GATAD2A: variants seen among roughly 807,000 people sequenced by gnomAD.
GATAD2A encodes GATA zinc finger domain containing 2A.
In GATAD2A, 12 loss-of-function variants were observed where a neutral mutation model predicts 68.5. That is an observed-to-expected ratio of 0.18 (90% CI 0.11 to 0.28). The LOEUF is 0.28. Ranked by LOEUF, GATAD2A falls within the 10% of genes least tolerant of loss-of-function variation. The probability of loss-of-function intolerance (pLI) is 1.00; values close to 1 mark genes in which losing one functional copy is unlikely to be tolerated. For missense variants in GATAD2A, 755 were observed against 868.5 expected, an observed-to-expected ratio of 0.87 and a Z score of 1.64; for synonymous variants, 410 against 375.3, an observed-to-expected ratio of 1.09 and a Z score of -1.07.
chr19:19,407,077 G>T (rs1168661315), intron 1 of GATAD2A, among the ~76,000 whole-genome samples: 1 of 152,170 alleles, frequency 6.6e-6, no homozygotes, highest in African/African-American at 2.4e-5. Context: ...AGTACATAGT[G>T]CTGGTTACAT....
chr19:19,463,889 CTCTT>C (rs1380980783), intron 1 of GATAD2A, among the ~76,000 whole-genome samples: 3 of 152,340 alleles, frequency 2.0e-5, no homozygotes, highest in South Asian at 2.1e-4. Context: ...AAGCAGCTGT[CTCTT>C]TCTTTCCTTT....
intron 1 of GATAD2A, among the ~76,000 whole-genome samples, chr19:19,394,291 C>T (rs2049059332): frequency 6.6e-6 from 1 of 152,072 alleles, no homozygotes; most frequent in Non-Finnish European, 1.5e-5. Flanking sequence ...TCTAAAAGCC[C>T]TTCCCTTGTT....
chr19:19,398,465 T>G (rs1742932203), intron 1 of GATAD2A, among the ~76,000 whole-genome samples: 1 of 151,790 alleles, frequency 6.6e-6, no homozygotes, highest in African/African-American at 2.4e-5. Flanking sequence ...CCTCCCAAAG[T>G]GCTGGGATTA....
chr19:19,483,661 A>G (rs866513720), intron 2 of GATAD2A, among the ~76,000 whole-genome samples: 15 of 151,680 alleles, frequency 9.9e-5, no homozygotes, highest in Middle Eastern at 3.4e-3. Context: ...GTCATCCAGC[A>G]TGGAGTGCAG....
intron 1 of GATAD2A, chr19:19,427,764 C>G (rs1382576532): frequency 2.6e-5 from 4 of 152,688 alleles, no homozygotes; most frequent in Admixed American, 6.5e-5. Context: ...GCCTCCGCCT[C>G]CCAGGTTCAA....
At chr19:19,409,753 G>T (rs2050699538) in intron 1 of GATAD2A, among the ~76,000 whole-genome samples, 1 of 152,180 alleles carries the variant, frequency 6.6e-6, no homozygotes, top group African/African-American at 2.4e-5. Context: ...AGAAACAAAG[G>T]TACCACTGGG....
chr19:19,468,903 G>A lies in GATAD2A; in HGVS notation c.269+3289G>A, dbSNP rs142006453. The stretch of plus-strand genomic sequence containing the variant: ...TAACTGGAAAGACTTAACTAGTTCT[G>A]CAGTCTGGAAGCCAACCAAAGGCTT... On this transcript the variant is annotated intron_variant, in intron 2 of 11. Transcript: ENST00000683918. Among the ~76,000 whole-genome samples the A allele has an allele frequency of 2.4e-3, 367 of 152,290 alleles. 2 individuals are homozygous for A. The highest frequency in any genetic ancestry group is 0.016 in the South Asian group (78 of 4,830).
At chr19:19,499,355 G>T (rs773299321) in intron 8 of GATAD2A, among the ~76,000 whole-genome samples, 13 of 152,170 alleles carry the variant, frequency 8.5e-5, no homozygotes, top group Non-Finnish European at 1.5e-4. Flanking sequence ...TGAGGTTGGG[G>T]TGACACGAGT....
At chr19:19,499,708 C>G (rs1455970991) in intron 8 of GATAD2A, among the ~76,000 whole-genome samples, 1 of 151,788 alleles carries the variant, frequency 6.6e-6, no homozygotes, top group Non-Finnish European at 1.5e-5. Context: ...TCCACACTTG[C>G]GTGGGGCTGG....
chr19:19,496,423 C>A (rs567184494), intron 7 of GATAD2A, among the ~76,000 whole-genome samples: 1 of 152,162 alleles, frequency 6.6e-6, no homozygotes, highest in Admixed American at 6.5e-5. Context: ...GTTTTGTGGG[C>A]AGACTTGCTA....
rs535696257 is a variant in GATAD2A at position 19,406,451 on chromosome 19, C to CGCG, written c.-7+458_-7+460dup. Among the ~76,000 whole-genome samples the CGCG allele has an allele frequency of 7.9e-3, 1,158 of 147,204 alleles. 9 individuals carry two copies. Among genetic ancestry groups the CGCG allele is most frequent in the South Asian group, 0.044 (188 of 4,234 alleles). On this transcript the variant is annotated intron_variant, in intron 1 of 11. Coordinates refer to ENST00000683918, the MANE Select transcript of GATAD2A (RefSeq NM_001384528.1). ...CGGGTTGGGCAGCAACGCTGAACCC[C>CGCG]GCGGCGGCGGCGGCGGCGGCGGCGG... is the stretch of plus-strand genomic sequence containing the variant.
At chr19:19,470,752 C>CA (rs144396337) in intron 2 of GATAD2A, among the ~76,000 whole-genome samples, 23,781 of 144,820 alleles carry the variant, frequency 0.16, 1,943 homozygotes, top group Middle Eastern at 0.29. Context: ...CTGTAAAAAA[C>CA]AAAAAAAAAA....
intron 2 of GATAD2A, among the ~76,000 whole-genome samples, chr19:19,471,822 C>T (rs1305572060): frequency 6.6e-6 from 1 of 152,226 alleles, no homozygotes; most frequent in African/African-American, 2.4e-5. Flanking sequence ...ATCCAAAGGT[C>T]GTGGGCATGT....
intron 2 of GATAD2A, among the ~76,000 whole-genome samples, chr19:19,490,159 C>T (rs555996860): frequency 1.3e-5 from 2 of 152,288 alleles, no homozygotes; most frequent in Non-Finnish European, 2.9e-5. Flanking sequence ...TTTCTGTCCA[C>T]GCCCAGGTCT....
chr19:19,455,550 A>G (rs1308451627), intron 1 of GATAD2A, among the ~76,000 whole-genome samples: 4 of 152,184 alleles, frequency 2.6e-5, no homozygotes, highest in Non-Finnish European at 4.4e-5. Flanking sequence ...ACAACATAAA[A>G]TAATACAAAT....
In GATAD2A at chr19:19,492,567, T is replaced by C. The variant is rs778809493; in HGVS notation, c.403-14T>C. On this transcript the variant is annotated splice_polypyrimidine_tract_variant and intron_variant, in intron 3 of 11. Transcript: ENST00000683918. ...GGACGCTCCCTCTCAACCCTGTTCC[T>C]CTCGCCCCTGCAGAAAAGCAGTCCT... 1 of 1,614,134 alleles carries C rather than the reference T, an allele frequency of 6.2e-7. No homozygotes were observed. The highest frequency in any genetic ancestry group is 1.1e-5 in the South Asian group (1 of 91,082).
chr19:19,444,709 A>AAGT (rs2055501534), intron 1 of GATAD2A, among the ~76,000 whole-genome samples: 1 of 151,998 alleles, frequency 6.6e-6, no homozygotes, highest in East Asian at 1.9e-4. Flanking sequence ...CGTCTCTACA[A>AAGT]AAAGTACAAA....
At chr19:19,464,966 G>A (rs1046094625) in intron 1 of GATAD2A, 2 of 304,682 alleles carry the variant, frequency 6.6e-6, no homozygotes, top group Non-Finnish European at 1.3e-5. Flanking sequence ...AATCCCAAAG[G>A]CAGGTAGTTG....
intron 1 of GATAD2A, chr19:19,440,670 C>G (rs527351085): frequency 3.3e-5 from 5 of 152,998 alleles, no homozygotes; most frequent in African/African-American, 1.2e-4. Context: ...GCATCATGTA[C>G]GTGCTTCACA....
Sources: allele counts gnomAD v4.1 joint callset (sites outside exome capture counted in the v4.1 genomes callset), GRCh38; gene constraint gnomAD v4.1.1; transcripts MANE v1.5; gene names NCBI Gene and HGNC (gene_info 2026-07-23, HGNC 2026-07-21).